XIRP2: variants seen among roughly 807,000 people sequenced by gnomAD.
The protein encoded by XIRP2 is xin actin binding repeat containing 2.
A neutral mutation model predicts 277.0 loss-of-function variants in XIRP2; 236 were observed. The ratio of observed to expected loss-of-function variants is 0.85; its 90% CI spans 0.77 to 0.95. XIRP2 has a LOEUF of 0.95. Ranked by LOEUF, XIRP2 falls within the 40% of genes least tolerant of loss-of-function variation. XIRP2 has a pLI of 0.00. For missense variants in XIRP2, 4,640 were observed against 4,157.5 expected, an observed-to-expected ratio of 1.12 and a Z score of -3.19; for synonymous variants, 1,490 against 1,416.5, an observed-to-expected ratio of 1.05 and a Z score of -1.17.
intron 2 of XIRP2, among the ~76,000 whole-genome samples, chr2:166,947,519 T>A (rs1476715484): frequency 6.6e-6 from 1 of 152,194 alleles, no homozygotes; most frequent in East Asian, 1.9e-4. Context: ...TTTTAATATT[T>A]TCCCATATTA....
intron 2 of XIRP2, among the ~76,000 whole-genome samples, chr2:166,928,603 G>T (rs1685248996): frequency 6.6e-6 from 1 of 152,036 alleles, no homozygotes; most frequent in African/African-American, 2.4e-5. Context: ...GATGTATATT[G>T]CTTTTTAGTT....
At chr2:166,958,205 G>T (rs1214736925) in intron 2 of XIRP2, among the ~76,000 whole-genome samples, 1 of 151,880 alleles carries the variant, frequency 6.6e-6, no homozygotes, top group Non-Finnish European at 1.5e-5. Flanking sequence ...GTGGGTGAGG[G>T]GCTAGGCGCA....
chr2:167,166,696 TGTGAACTCACAGC>T (rs770504754), intron 3 of XIRP2, among the ~76,000 whole-genome samples: 1 of 152,132 alleles, frequency 6.6e-6, no homozygotes. Flanking sequence ...TCAGATCTCA[TGTGAACTCACAGC>T]AAGAACTCAC....
At chr2:166,904,549 GA>G (rs1328159583) in intron 2 of XIRP2, among the ~76,000 whole-genome samples, 2 of 152,126 alleles carry the variant, frequency 1.3e-5, no homozygotes, top group African/African-American at 4.8e-5. Flanking sequence ...ATTAGCTAAA[GA>G]GGGCATTTAG....
intron 2 of XIRP2, among the ~76,000 whole-genome samples, chr2:166,925,596 C>CATATATATAT (rs3060398): frequency 1.8e-4 from 18 of 102,442 alleles, no homozygotes; most frequent in East Asian, 1.2e-3. Flanking sequence ...TGTGTATATA[C>CATATATATAT]ATATATATAT....
intron 2 of XIRP2, among the ~76,000 whole-genome samples, chr2:167,024,701 A>G (rs1427263776): frequency 2.6e-5 from 4 of 152,086 alleles, no homozygotes; most frequent in Admixed American, 1.3e-4. Context: ...TTCTGCATCT[A>G]TTGAGATAAT....
chr2:167,151,408 A>C (rs1365845894), intron 3 of XIRP2, among the ~76,000 whole-genome samples: 1 of 152,160 alleles, frequency 6.6e-6, no homozygotes, highest in Non-Finnish European at 1.5e-5. Flanking sequence ...ACCACTACAC[A>C]ACATATCCAT....
intron 2 of XIRP2, among the ~76,000 whole-genome samples, chr2:166,904,733 C>T (rs1039406246): frequency 6.6e-6 from 1 of 152,036 alleles, no homozygotes; most frequent in Non-Finnish European, 1.5e-5. Context: ...AATACATGAT[C>T]TCAGGTTTTC....
At chr2:166,981,867 T>A (rs961995427) in intron 2 of XIRP2, among the ~76,000 whole-genome samples, 1 of 152,226 alleles carries the variant, frequency 6.6e-6, no homozygotes, top group Non-Finnish European at 1.5e-5. Flanking sequence ...CTACTCAACA[T>A]AGTACAAACA....
chr2:167,116,780 A>G (rs1381514175), intron 2 of XIRP2, among the ~76,000 whole-genome samples: 1 of 152,230 alleles, frequency 6.6e-6, no homozygotes, highest in East Asian at 1.9e-4. Context: ...AGAAAAAAAT[A>G]CTATCCTCCC....
chr2:166,945,119 C>T (rs966058279), intron 2 of XIRP2, among the ~76,000 whole-genome samples: 5 of 152,108 alleles, frequency 3.3e-5, no homozygotes, highest in Non-Finnish European at 7.3e-5. Context: ...ATACTGACCT[C>T]AAGTGGTAGA....
intron 2 of XIRP2, among the ~76,000 whole-genome samples, chr2:166,926,869 C>A (rs1685201388): frequency 6.6e-6 from 1 of 152,076 alleles, no homozygotes; most frequent in Non-Finnish European, 1.5e-5. Context: ...ACTGACCCAG[C>A]AGGCACAGTG....
intron 2 of XIRP2, among the ~76,000 whole-genome samples, chr2:167,062,672 T>C (rs940149776): frequency 6.6e-6 from 1 of 152,174 alleles, no homozygotes; most frequent in African/African-American, 2.4e-5. Context: ...AAGTTTTTAC[T>C]ACGATGTCTA....
rs1695259547 is a variant in XIRP2 at position 167,246,277 on chromosome 2, G to C, written c.4885G>C (p.Glu1629Gln). The part of the protein sequence containing the change: ...TEREILISEE[E>Q]KGNVNLTKTQ... Reference sequence around the variant, plus strand: ...AAGAGAGATTTTGATTAGTGAAGAAGAGAAGGGAAATGTTAATTTGACTAA... The same window carrying C: ...AAGAGAGATTTTGATTAGTGAAGAACAGAAGGGAAATGTTAATTTGACTAA... The change falls in exon 9 of 11, where the codon GAG becomes CAG. Residue 1629 changes from glutamate (E) to glutamine (Q), a missense_variant. By Grantham distance (29) the Glu-to-Gln change is conservative. Transcript: ENST00000409195. 2 of 1,613,460 alleles carry C rather than the reference G, an allele frequency of 1.2e-6. No homozygotes were observed. The highest frequency in any genetic ancestry group is 4.5e-5 in the East Asian group (2 of 44,802).
intron 2 of XIRP2, among the ~76,000 whole-genome samples, chr2:167,011,296 T>C (rs916585532): frequency 6.6e-6 from 1 of 151,818 alleles, no homozygotes; most frequent in African/African-American, 2.4e-5. Flanking sequence ...TGTTGAATTT[T>C]GTCAAAGGCC....
At chr2:167,035,942 T>C (rs1444165391) in intron 2 of XIRP2, among the ~76,000 whole-genome samples, 1 of 152,234 alleles carries the variant, frequency 6.6e-6, no homozygotes, top group Non-Finnish European at 1.5e-5. Context: ...GCTTGGGCTG[T>C]GGCTTCAGAG....
chr2:167,183,418 T>C (rs139744613), intron 3 of XIRP2, among the ~76,000 whole-genome samples: 1 of 152,192 alleles, frequency 6.6e-6, no homozygotes, highest in Non-Finnish European at 1.5e-5. Context: ...GAAAATCTAG[T>C]GAGTACTTAC....
intron 2 of XIRP2, among the ~76,000 whole-genome samples, chr2:167,006,180 T>A (rs1245030834): frequency 6.6e-6 from 1 of 151,436 alleles, no homozygotes; most frequent in African/African-American, 2.4e-5. Context: ...GAAGCAGGAG[T>A]TACAAGACAT....
At chr2:167,123,499 CT>C (rs761118943) in intron 2 of XIRP2, among the ~76,000 whole-genome samples, 2 of 141,018 alleles carry the variant, frequency 1.4e-5, no homozygotes, top group Admixed American at 6.7e-5. Flanking sequence ...GAGAAAAAAA[CT>C]TTTTTTTGTT....
Sources: gnomAD v4.1 joint callset for allele counts (sites outside exome capture counted in the v4.1 genomes callset) on GRCh38, gnomAD v4.1.1 for gene constraint, MANE v1.5 for transcripts, NCBI Gene and HGNC (gene_info 2026-07-23, HGNC 2026-07-21) for gene names.